ACAP2: variants seen among roughly 807,000 people sequenced by gnomAD.
The protein encoded by ACAP2 is arf-GAP with coiled-coil, ANK repeat and PH domain-containing protein 2.
In ACAP2, 39 loss-of-function variants were observed where a neutral mutation model predicts 115.8. That is an observed-to-expected ratio of 0.34 (90% CI 0.26 to 0.44). The LOEUF is 0.44. Ranked by LOEUF, ACAP2 falls within the 20% of genes least tolerant of loss-of-function variation. The pLI is 1.00. For synonymous variants in ACAP2, 289 were observed against 315.8 expected, an observed-to-expected ratio of 0.92 and a Z score of 0.90; for missense variants, 662 against 927.6, an observed-to-expected ratio of 0.71 and a Z score of 3.72.
chr3:195,348,692 T>G (rs1731342089), intron 4 of ACAP2, among the ~76,000 whole-genome samples: 1 of 152,122 alleles, frequency 6.6e-6, no homozygotes, highest in African/African-American at 2.4e-5. Flanking sequence ...ATCAACATAA[T>G]TCACCATGTT....
intron 4 of ACAP2, among the ~76,000 whole-genome samples, chr3:195,353,434 T>C (rs553571576): frequency 1.4e-4 from 22 of 152,318 alleles, no homozygotes; most frequent in African/African-American, 4.8e-4. Flanking sequence ...TGCAATCGTA[T>C]TGAGCAATAA....
In ACAP2 at chr3:195,274,935, A is replaced by G. The variant is rs560048140; in HGVS notation, c.*4393T>C. On this transcript the variant is annotated 3_prime_UTR_variant, in exon 23 of 23. Coordinates refer to ENST00000326793, the MANE Select transcript of ACAP2 (RefSeq NM_012287.6). ...TCCTCTACATACTAATAAAAAGTAA[A>G]TGGACTGTTGGTTATACATTCTTTA... 1 of 152,818 alleles carries G rather than the reference A, an allele frequency of 6.5e-6. No homozygotes were observed. Among genetic ancestry groups the G allele is most frequent in the South Asian group, 2.1e-4 (1 of 4,832 alleles). The allele number at this position is 152,818 out of a possible 1,614,324, so 9.5% of individuals were successfully genotyped here. A position where few individuals can be genotyped will look rare whatever the true frequency, so the allele number is the denominator to read the frequency against.
At chr3:195,338,347 T>C (rs756029524) in intron 6 of ACAP2, among the ~76,000 whole-genome samples, 6 of 152,144 alleles carry the variant, frequency 3.9e-5, no homozygotes, top group Admixed American at 1.3e-4. Context: ...CGGAGTGCAG[T>C]GGCATGATCA....
intron 4 of ACAP2, among the ~76,000 whole-genome samples, chr3:195,351,129 T>TTTTTTGG (rs75945777): frequency 6.8e-5 from 9 of 131,860 alleles, no homozygotes; most frequent in African/African-American, 2.8e-4. Context: ...TTTTTTTTTT[T>TTTTTTGG]GGGCGGGGGA....
intron 12 of ACAP2, chr3:195,306,987 T>A: frequency 2.6e-6 from 1 of 390,394 alleles, no homozygotes. Context: ...AGCTAAAACT[T>A]TCATATGAGC....
intron 11 of ACAP2, among the ~76,000 whole-genome samples, chr3:195,308,387 T>C (rs1728553816): frequency 6.7e-6 from 1 of 150,162 alleles, no homozygotes; most frequent in Non-Finnish European, 1.5e-5. Context: ...TTTGTAATGT[T>C]CCTAAGACAA....
chr3:195,327,005 G>T, intron 8 of ACAP2, 46 bp from the exon 9 acceptor site: 1 of 1,514,550 alleles, frequency 6.6e-7, no homozygotes, highest in Non-Finnish European at 9.1e-7. Flanking sequence ...AAAAAGTATG[G>T]ATTAGTTTTT....
At chr3:195,280,649 G>A (rs560885332) in intron 22 of ACAP2, 2 of 152,024 alleles carry the variant, frequency 1.3e-5, no homozygotes, top group East Asian at 3.9e-4. Flanking sequence ...TATGTTTACC[G>A]AGAAATAGAT....
intron 1 of ACAP2, among the ~76,000 whole-genome samples, chr3:195,409,329 T>A (rs1713057096): frequency 6.6e-6 from 1 of 151,896 alleles, no homozygotes; most frequent in South Asian, 2.1e-4. Flanking sequence ...AAGAAAACAA[T>A]GCCATTTATA....
At chr3:195,330,205 C>G (rs896867141) in intron 8 of ACAP2, among the ~76,000 whole-genome samples, 1 of 152,172 alleles carries the variant, frequency 6.6e-6, no homozygotes, top group Admixed American at 6.5e-5. Context: ...CTTCCACCCT[C>G]GAATTGGCTG....
chr3:195,308,685 T>C, intron 11 of ACAP2, 101 bp downstream of exon 11: 1 of 953,670 alleles, frequency 1.0e-6, no homozygotes. Flanking sequence ...AATAATTACA[T>C]TAATTTTACA....
rs1264042440 is a variant in ACAP2, at chr3:195,278,375, G to A, written c.*953C>T. The A allele has an allele frequency of 1.3e-5, 2 of 152,076 alleles. No individual in the cohort carries two copies. Among genetic ancestry groups the A allele is most frequent in the African/African-American group, 4.8e-5 (2 of 41,440 alleles). The allele number at this position is 152,076 out of a possible 1,614,324, so 9.4% of individuals were successfully genotyped here. A position where few individuals can be genotyped will look rare whatever the true frequency, so the allele number is the denominator to read the frequency against. ...TGGGGTTCTTTTTCTCCTTTGTACA[G>A]AGATTTTTCTTTCACTAGGAGCAAC... is the stretch of plus-strand genomic sequence containing the variant. On this transcript the variant is annotated 3_prime_UTR_variant, in exon 23 of 23. Transcript: ENST00000326793.
In ACAP2 at chr3:195,276,971, C is replaced by A. The variant is rs1346391052; in HGVS notation, c.*2357G>T. On this transcript the variant is annotated 3_prime_UTR_variant, in exon 23 of 23. Transcript: ENST00000326793. ...CTGAACCATGATCATCTTTAAGGCACTTCAAATACATTTCTGACCACTAAA... is the reference window on the plus strand; with the variant it reads ...CTGAACCATGATCATCTTTAAGGCAATTCAAATACATTTCTGACCACTAAA... The A allele has an allele frequency of 1.3e-5, 2 of 152,144 alleles. No homozygotes were observed. The highest frequency in any genetic ancestry group is 1.3e-4 in the Admixed American group (2 of 15,264). The allele number at this position is 152,144 out of a possible 1,614,324, so 9.4% of individuals were successfully genotyped here.
At chr3:195,368,943 G>A (rs556242105) in intron 4 of ACAP2, among the ~76,000 whole-genome samples, 5 of 152,268 alleles carry the variant, frequency 3.3e-5, no homozygotes, top group African/African-American at 7.2e-5. Context: ...AATTAGCTGG[G>A]CATGGCGGTG....
chr3:195,338,245 T>C (rs924626564), intron 6 of ACAP2, among the ~76,000 whole-genome samples: 8 of 152,234 alleles, frequency 5.3e-5, no homozygotes, highest in Non-Finnish European at 1.0e-4. Context: ...CCAGCTGTAG[T>C]GGCACACACT....
At chr3:195,423,604 C>T (rs1376160679) in intron 1 of ACAP2, among the ~76,000 whole-genome samples, 1 of 94,460 alleles carries the variant, frequency 1.1e-5, no homozygotes, top group Non-Finnish European at 2.0e-5. Flanking sequence ...GCCCAGACAA[C>T]AAAGTAAGAC....
At chr3:195,415,988 T>G (rs972898504) in intron 1 of ACAP2, among the ~76,000 whole-genome samples, 1 of 151,716 alleles carries the variant, frequency 6.6e-6, no homozygotes, top group African/African-American at 2.4e-5. Context: ...AATAGAAAAA[T>G]AAGAAGAAAA....
Position 195,302,283 on chromosome 3 carries a change from T to A in ACAP2, c.1117-109A>T. On this transcript the variant is annotated intron_variant, in intron 13 of 22. Coordinates refer to ENST00000326793, the MANE Select transcript of ACAP2 (RefSeq NM_012287.6). ...TTCCAATCAATAAATTAAAGGCCTGTTACAGGCATAAGCAAGGCAATAGTC... is the reference window on the plus strand; with the variant it reads ...TTCCAATCAATAAATTAAAGGCCTGATACAGGCATAAGCAAGGCAATAGTC... 4.1e-6 allele frequency: 4 copies of A among 967,808 alleles called. No homozygotes were observed. In the Admixed American group the frequency reaches 7.8e-5, roughly 19 times the overall value. The allele number at this position is 967,808 out of a possible 1,614,324, so 60.0% of individuals were successfully genotyped here. A position where few individuals can be genotyped will look rare whatever the true frequency, so the allele number is the denominator to read the frequency against.
chr3:195,412,164 CAAAAAAA>C (rs869120673), intron 1 of ACAP2, among the ~76,000 whole-genome samples: 14,976 of 47,942 alleles, frequency 0.31, 792 homozygotes, highest in Admixed American at 0.43. Flanking sequence ...GACCCTGTCT[CAAAAAAA>C]AAAAAAAAAA....
Sources: allele counts gnomAD v4.1 joint callset (sites outside exome capture counted in the v4.1 genomes callset), GRCh38; gene constraint gnomAD v4.1.1; transcripts MANE v1.5; gene names NCBI Gene and HGNC (gene_info 2026-07-23, HGNC 2026-07-21).